The following CAMTA1 variants were observed in gnomAD, a reference collection of about 807,000 sequenced individuals.
The protein encoded by CAMTA1 is calmodulin binding transcription activator 1.
Under a neutral mutation model 170.9 loss-of-function variants are expected in CAMTA1, and 27 were observed. That is an observed-to-expected ratio of 0.16 (90% CI 0.12 to 0.22). CAMTA1 has a LOEUF of 0.22. Among genes scored for constraint, CAMTA1 ranks in the 10% least tolerant of loss-of-function variants. The pLI is 1.00. For synonymous variants in CAMTA1, 833 were observed against 891.5 expected, an observed-to-expected ratio of 0.93 and a Z score of 1.17; for missense variants, 1,619 against 2,217.2, an observed-to-expected ratio of 0.73 and a Z score of 5.42.
chr1:7,480,026 T>C (rs923120887), intron 6 of CAMTA1, among the ~76,000 whole-genome samples: 4 of 152,004 alleles, frequency 2.6e-5, no homozygotes, highest in African/African-American at 7.3e-5. Flanking sequence ...TGACTCTGAG[T>C]GCATGTGTAT....
At chr1:7,207,510 C>G (rs569676243) in intron 4 of CAMTA1, among the ~76,000 whole-genome samples, 16 of 152,232 alleles carry the variant, frequency 1.1e-4, no homozygotes, top group Non-Finnish European at 1.9e-4. Flanking sequence ...AATATACACT[C>G]TATTTTTCCA....
At chr1:7,116,549 C>G (rs543114791) in intron 4 of CAMTA1, among the ~76,000 whole-genome samples, 13 of 152,268 alleles carry the variant, frequency 8.5e-5, no homozygotes, top group African/African-American at 3.1e-4. Flanking sequence ...ACCATCCCCC[C>G]CAATATTTTA....
intron 16 of CAMTA1, among the ~76,000 whole-genome samples, chr1:7,739,233 A>G (rs892523805): frequency 6.6e-6 from 1 of 152,174 alleles, no homozygotes; most frequent in Non-Finnish European, 1.5e-5. Flanking sequence ...ACGACTCAGA[A>G]TTCAACAGGG....
chr1:7,449,047 T>G (rs911002208), intron 5 of CAMTA1, among the ~76,000 whole-genome samples: 1 of 152,212 alleles, frequency 6.6e-6, no homozygotes, highest in Admixed American at 6.5e-5. Context: ...TGGGGCGCCA[T>G]GGGCTGGAGG....
chr1:7,568,705 A>T (rs2095080531), intron 6 of CAMTA1, among the ~76,000 whole-genome samples: 1 of 150,952 alleles, frequency 6.6e-6, no homozygotes, highest in South Asian at 2.1e-4. Flanking sequence ...TCACCACATC[A>T]CCATCACCAC....
At chr1:6,874,868 G>A (rs1021692507) in intron 3 of CAMTA1, among the ~76,000 whole-genome samples, 4 of 152,266 alleles carry the variant, frequency 2.6e-5, no homozygotes, top group South Asian at 2.1e-4. Flanking sequence ...GAGCTTTGAA[G>A]GAGTCAGAAG....
At chr1:7,471,317 A>G (rs997592630) in intron 6 of CAMTA1, among the ~76,000 whole-genome samples, 1 of 152,248 alleles carries the variant, frequency 6.6e-6, no homozygotes, top group Non-Finnish European at 1.5e-5. Context: ...GCAGGGCACT[A>G]GAGCCCATGT....
intron 5 of CAMTA1, among the ~76,000 whole-genome samples, chr1:7,342,107 T>C (rs1047755081): frequency 7.2e-5 from 11 of 152,328 alleles, no homozygotes; most frequent in South Asian, 6.2e-4. Context: ...AGTTTCCTCA[T>C]TGAAAATAAA....
chr1:7,448,029 G>A (rs576843567), intron 5 of CAMTA1, among the ~76,000 whole-genome samples: 1 of 152,330 alleles, frequency 6.6e-6, no homozygotes, highest in East Asian at 1.9e-4. Context: ...CTGAGTCCTC[G>A]GAGCAGGTCA....
chr1:6,870,275 T>C (rs1183518287), intron 3 of CAMTA1, among the ~76,000 whole-genome samples: 1 of 152,188 alleles, frequency 6.6e-6, no homozygotes, highest in Non-Finnish European at 1.5e-5. Flanking sequence ...CAAACACATA[T>C]GTGACAGACT....
chr1:6,988,980 T>C (rs1019934353), intron 3 of CAMTA1, among the ~76,000 whole-genome samples: 1 of 152,148 alleles, frequency 6.6e-6, no homozygotes, highest in Non-Finnish European at 1.5e-5. Context: ...CTTTGAAAGA[T>C]GGTGTCCCAA....
intron 3 of CAMTA1, among the ~76,000 whole-genome samples, chr1:6,938,174 A>T (rs899360614): frequency 6.6e-6 from 1 of 152,256 alleles, no homozygotes; most frequent in Non-Finnish European, 1.5e-5. Context: ...ATGAAAGGAG[A>T]CGTCAACTCT....
intron 3 of CAMTA1, among the ~76,000 whole-genome samples, chr1:6,852,430 G>T (rs1557697689): frequency 6.6e-6 from 1 of 152,064 alleles, no homozygotes; most frequent in Non-Finnish European, 1.5e-5. Flanking sequence ...TGAGAGCTTG[G>T]CCTCACAAGA....
chr1:7,473,314 G>A (rs1222605904), intron 6 of CAMTA1, among the ~76,000 whole-genome samples: 1 of 152,208 alleles, frequency 6.6e-6, no homozygotes, highest in Non-Finnish European at 1.5e-5. Context: ...AGGTCCCATT[G>A]GCATACTTGG....
intron 3 of CAMTA1, among the ~76,000 whole-genome samples, chr1:7,034,944 G>T (rs1221499999): frequency 6.6e-6 from 1 of 152,052 alleles, no homozygotes; most frequent in Non-Finnish European, 1.5e-5. Context: ...ATAAAAATTG[G>T]CATTCCATGA....
At chr1:6,912,968 G>A (rs147908309) in intron 3 of CAMTA1, among the ~76,000 whole-genome samples, 1 of 152,224 alleles carries the variant, frequency 6.6e-6, no homozygotes, top group Non-Finnish European at 1.5e-5. Context: ...AGCGCCCAGC[G>A]TGGAGTTATT....
chr1:7,725,254 A>C (rs1324954436), intron 11 of CAMTA1, among the ~76,000 whole-genome samples: 1 of 152,204 alleles, frequency 6.6e-6, no homozygotes, highest in Non-Finnish European at 1.5e-5. Flanking sequence ...AGGAAAATAG[A>C]CTGCTTTAGA....
chr1:7,381,723 T>C (rs1020752102), intron 5 of CAMTA1, among the ~76,000 whole-genome samples: 23 of 148,842 alleles, frequency 1.5e-4, no homozygotes, highest in African/African-American at 5.7e-4. Flanking sequence ...CCCTGAGGAA[T>C]CGCCACACTG....
At chr1:7,048,894 A>G (rs1297613773) in intron 3 of CAMTA1, among the ~76,000 whole-genome samples, 1 of 151,872 alleles carries the variant, frequency 6.6e-6, no homozygotes, top group East Asian at 1.9e-4. Flanking sequence ...GACTTCTGAG[A>G]CTCTAAGATG....
Sources: gnomAD v4.1 joint callset for allele counts (sites outside exome capture counted in the v4.1 genomes callset) on GRCh38, gnomAD v4.1.1 for gene constraint, MANE v1.5 for transcripts, NCBI Gene and HGNC (gene_info 2026-07-23, HGNC 2026-07-21) for gene names.